Variants in ZNF43 observed in about 807,000 individuals in gnomAD.
The protein encoded by ZNF43 is zinc finger protein 39-like 1 (KOX 27).
A neutral mutation model predicts 68.4 loss-of-function variants in ZNF43; 44 were observed. The ratio of observed to expected loss-of-function variants is 0.64; its 90% CI spans 0.51 to 0.83. ZNF43 has a LOEUF of 0.83. ZNF43 is among the 40% of genes least tolerant of loss of function. The pLI, the probability that ZNF43 is intolerant of heterozygous loss-of-function variation, is 0.00. For synonymous variants in ZNF43, 308 were observed against 307.8 expected (o/e 1.00, Z -0.01); for missense variants, 896 against 933.2 (o/e 0.96, Z 0.52).
At chr19:21,824,732 TAAAAAAAAA>T (rs34739856) in intron 1 of ZNF43, among the ~76,000 whole-genome samples, 4 of 107,248 alleles carry the variant, frequency 3.7e-5, no homozygotes, top group East Asian at 5.5e-4. Context: ...TATGTTTACC[TAAAAAAAAA>T]AAAAAAAAAA....
At chr19:21,824,503 A>G (rs916514121) in intron 1 of ZNF43, among the ~76,000 whole-genome samples, 1 of 152,138 alleles carries the variant, frequency 6.6e-6, no homozygotes, top group African/African-American at 2.4e-5. Context: ...TAAGGTGTCT[A>G]TGTTGATTTC....
intron 1 of ZNF43, among the ~76,000 whole-genome samples, chr19:21,824,196 A>T (rs2037995557): frequency 6.6e-6 from 1 of 152,120 alleles, no homozygotes; most frequent in Non-Finnish European, 1.5e-5. Context: ...AAAAAAGAAA[A>T]TAGAACTGCC....
At chr19:21,825,383 T>C (rs1453300084) in intron 1 of ZNF43, among the ~76,000 whole-genome samples, 1 of 152,236 alleles carries the variant, frequency 6.6e-6, no homozygotes, top group African/African-American at 2.4e-5. Context: ...GTTTAGTTTA[T>C]AGCTACTTGT....
exon 1 of ZNF43, chr19:21,851,930 G>T: frequency 1.3e-6 from 2 of 1,576,198 alleles, no homozygotes; most frequent in Admixed American, 1.8e-5. Flanking sequence ...AGGATGTCCG[G>T]GCATCTTAGC....
intron 1 of ZNF43, among the ~76,000 whole-genome samples, chr19:21,825,093 G>A (rs570063307): frequency 6.6e-6 from 1 of 152,206 alleles, no homozygotes; most frequent in African/African-American, 2.4e-5. Context: ...AATTAGCCGG[G>A]CATGTTGGCA....
chr19:21,847,140 T>C (rs1022703805), intron 1 of ZNF43, among the ~76,000 whole-genome samples: 33 of 152,244 alleles, frequency 2.2e-4, no homozygotes, highest in African/African-American at 7.2e-4. Context: ...ACACAGCATC[T>C]GGTTGCTGGC....
chr19:21,850,885 G>C (rs1212983534), intron 1 of ZNF43: 1 of 116,400 alleles, frequency 8.6e-6, no homozygotes, highest in Non-Finnish European at 1.7e-5. Context: ...TGTGGGCTGG[G>C]CCAAGGCAGG....
At chr19:21,851,813 A>AC in intron 1 of ZNF43, 1 of 1,382,814 alleles carries the variant, frequency 7.2e-7, no homozygotes, top group African/African-American at 1.5e-5. Flanking sequence ...TGCGCCAGCG[A>AC]CCAGGACTCA....
Position 21,807,455 on chromosome 19 carries a change from A to C in ZNF43, c.*152T>G. The stretch of plus-strand genomic sequence containing the variant: ...AAGTAAAAATTCTTTCCTGTGCAAT[A>C]AGGTACGAGCATTAATTAAAAGTTT... On this transcript the variant is annotated 3_prime_UTR_variant, in exon 4 of 4. Coordinates refer to ENST00000354959, the MANE Select transcript of ZNF43 (RefSeq NM_003423.4). The C allele has an allele frequency of 1.4e-6, 1 of 712,068 alleles. No homozygotes were observed. Among genetic ancestry groups the C allele is most frequent in the Non-Finnish European group, 2.2e-6 (1 of 464,622 alleles). 44.1% of individuals were successfully genotyped at this position (712,068 alleles called of 1,614,324 possible). A position where few individuals can be genotyped will look rare whatever the true frequency, so the allele number is the denominator to read the frequency against.
intron 3 of ZNF43, among the ~76,000 whole-genome samples, chr19:21,813,874 C>CGGAG (rs2037396887): frequency 6.6e-6 from 1 of 151,942 alleles, no homozygotes; most frequent in Non-Finnish European, 1.5e-5. Context: ...GTAATCCCTC[C>CGGAG]CCCTCAATCT....
Position 21,804,977 on chromosome 19 carries a change from A to C in ZNF43, c.*2630T>G, listed in dbSNP as rs1011463891. 2.6e-5 allele frequency: 4 copies of C among 152,204 alleles called. No homozygotes were observed. Among genetic ancestry groups the C allele is most frequent in the African/African-American group, 9.7e-5 (4 of 41,440 alleles). 9.4% of individuals were successfully genotyped at this position (152,204 alleles called of 1,614,324 possible). A position where few individuals can be genotyped will look rare whatever the true frequency, so the allele number is the denominator to read the frequency against. ...CATGACTCAGGAATGTATGGACTTT[A>C]TTTATACTTCTATATAATTTTTATA... On this transcript the variant is annotated 3_prime_UTR_variant, in exon 4 of 4. Transcript: ENST00000354959.
chr19:21,817,409 C>T (rs1400297196), intron 3 of ZNF43, among the ~76,000 whole-genome samples: 1 of 152,040 alleles, frequency 6.6e-6, no homozygotes, highest in Non-Finnish European at 1.5e-5. Context: ...CATCATAATT[C>T]ATAATTTCAT....
chr19:21,811,296 C>T (rs1399834002), intron 3 of ZNF43, among the ~76,000 whole-genome samples: 1 of 151,882 alleles, frequency 6.6e-6, no homozygotes, highest in Non-Finnish European at 1.5e-5. Flanking sequence ...CTTTGGGAGG[C>T]CAAGGCAGGT....
intron 1 of ZNF43, among the ~76,000 whole-genome samples, chr19:21,827,738 T>C (rs1206371020): frequency 1.3e-5 from 2 of 149,562 alleles, no homozygotes; most frequent in Non-Finnish European, 3.0e-5. Context: ...CTCGGCTCAC[T>C]GCAACCTCCG....
intron 1 of ZNF43, chr19:21,851,091 C>A (rs1220542938): frequency 6.6e-6 from 1 of 152,226 alleles, no homozygotes; most frequent in East Asian, 1.9e-4. Flanking sequence ...ATTTTGTCTG[C>A]GGACTGTGCT....
Position 21,807,808 on chromosome 19 carries a change from A to T in ZNF43, c.2229T>A (p.Phe743Leu). The T allele has an allele frequency of 6.2e-7, 1 of 1,613,346 alleles. No homozygotes were observed. The highest frequency in any genetic ancestry group is 8.5e-7 in the Non-Finnish European group (1 of 1,179,650). Residue 743 changes from phenylalanine to leucine, a missense_variant, in exon 4 of 4, where the codon TTT becomes TTA. Transcript: ENST00000354959. ...GTGTATTAAGGTGTGAGGAATAGTT[A>T]AATGCTTTGCCACATTCTTCACATT... is the stretch of plus-strand genomic sequence containing the variant. ...PYKCEECGKA[F>L]NYSSHLNTHK...
chr19:21,851,821 T>C, intron 1 of ZNF43: 1 of 1,439,090 alleles, frequency 6.9e-7, no homozygotes, highest in Non-Finnish European at 9.3e-7. Context: ...CGACCAGGAC[T>C]CAGGAGCGGA....
chr19:21,821,063 G>A (rs911199348), intron 1 of ZNF43, among the ~76,000 whole-genome samples: 1 of 149,826 alleles, frequency 6.7e-6, no homozygotes, highest in Non-Finnish European at 1.5e-5. Flanking sequence ...TCAAACTCCT[G>A]AACTCCAGTG....
intron 3 of ZNF43, among the ~76,000 whole-genome samples, 162 bp from the exon 4 acceptor site, chr19:21,809,969 C>T (rs942141182): frequency 3.3e-5 from 5 of 152,114 alleles, no homozygotes; most frequent in African/African-American, 1.2e-4. Context: ...CAAAAACATA[C>T]TGATCAAATC....
Sources: allele counts gnomAD v4.1 joint callset (sites outside exome capture counted in the v4.1 genomes callset), GRCh38; gene constraint gnomAD v4.1.1; transcripts MANE v1.5; gene names NCBI Gene and HGNC (gene_info 2026-07-23, HGNC 2026-07-21).